PDXK: variants seen among roughly 807,000 people sequenced by gnomAD.
PDXK encodes the protein epididymis secretory sperm binding protein Li 1a.
Under a neutral mutation model 43.2 loss-of-function variants are expected in PDXK, and 15 were observed. That is an observed-to-expected ratio of 0.35 (90% CI 0.23 to 0.53). The LOEUF (loss-of-function observed/expected upper bound fraction) is 0.53. Among genes scored for constraint, PDXK ranks in the 20% least tolerant of loss-of-function variants. PDXK has a pLI of 0.92. For synonymous variants in PDXK, 172 were observed against 165.4 expected (o/e 1.04, Z -0.31); for missense variants, 343 against 417.0 (o/e 0.82, Z 1.54).
Position 43,723,320 on chromosome 21 carries a change from A to G in PDXK, c.87+3939A>G, listed in dbSNP as rs1238931553. ...CAAGTATGCACCACCACACCTGACT[A>G]ATTTTTCTGTATTTCTGTTTAGTAG... is the stretch of plus-strand genomic sequence containing the variant. On this transcript the variant is annotated intron_variant, in intron 1 of 10. Transcript: ENST00000291565. This position sits in a 1 kb window ranked among gnomAD's most constrained non-coding sequence, Gnocchi z 4.1. Among the ~76,000 whole-genome samples the G allele has an allele frequency of 1.3e-5, 2 of 151,320 alleles. No homozygotes were observed. Among genetic ancestry groups the G allele is most frequent in the Non-Finnish European group, 2.9e-5 (2 of 67,922 alleles).
chr21:43,726,270 CTTTTTTT>C (rs1182376121), intron 1 of PDXK, among the ~76,000 whole-genome samples: 26 of 116,826 alleles, frequency 2.2e-4, no homozygotes, highest in Non-Finnish European at 3.1e-4. Context: ...TTTTCTTTTT[CTTTTTTT>C]TTTTTTTTTT....
At chr21:43,747,400 C>G (rs1056254042) in intron 5 of PDXK, among the ~76,000 whole-genome samples, 1 of 152,272 alleles carries the variant, frequency 6.6e-6, no homozygotes, top group African/African-American at 2.4e-5. Flanking sequence ...GCTGTATATT[C>G]ACTGAGCACA....
chr21:43,739,513 C>G (rs2083458245), intron 2 of PDXK, among the ~76,000 whole-genome samples: 1 of 151,912 alleles, frequency 6.6e-6, no homozygotes, highest in Admixed American at 6.6e-5. Context: ...AGGAAACTTA[C>G]AGTTATGGCA....
At position 43,737,230 on chromosome 21, in the gene PDXK, TG is replaced by T; in HGVS notation, c.142+3113del. 2.1e-6 allele frequency: 3 copies of T among 1,429,276 alleles called. No individual in the cohort carries two copies. Among genetic ancestry groups the T allele is most frequent in the Non-Finnish European group, 2.7e-6 (3 of 1,095,018 alleles). 88.5% of individuals were successfully genotyped at this position (1,429,276 alleles called of 1,614,324 possible). A position where few individuals can be genotyped will look rare whatever the true frequency, so the allele number is the denominator to read the frequency against. ...GTTGGTTCCCTGACGCCCTTCAGGC[TG>T]GGGGGTGGGAAAGCCGATCCCCCAA... On this transcript the variant is annotated intron_variant, in intron 2 of 10. Coordinates refer to ENST00000291565, the MANE Select transcript of PDXK (RefSeq NM_003681.5). The surrounding 1 kb of genome is among the most constrained non-coding windows in gnomAD (Gnocchi z 4.8).
chr21:43,731,975 G>T (rs2083324335), intron 1 of PDXK, among the ~76,000 whole-genome samples: 1 of 152,234 alleles, frequency 6.6e-6, no homozygotes, highest in African/African-American at 2.4e-5. Flanking sequence ...CGGGTGCTGG[G>T]AGTCTGTGGG....
intron 3 of PDXK, among the ~76,000 whole-genome samples, chr21:43,742,079 G>C (rs965606408): frequency 1.3e-5 from 2 of 152,178 alleles, no homozygotes; most frequent in Non-Finnish European, 2.9e-5. Context: ...GGGCAGGACA[G>C]GTGGGTGGGA....
In PDXK at chr21:43,719,137, G is replaced by C; in HGVS notation, c.-158G>C. The C allele has an allele frequency of 3.2e-6, 1 of 311,380 alleles. No homozygotes were observed. The highest frequency in any genetic ancestry group is 5.8e-6 in the Non-Finnish European group (1 of 173,600). The allele number at this position is 311,380 out of a possible 1,614,324, so 19.3% of individuals were successfully genotyped here. A position where few individuals can be genotyped will look rare whatever the true frequency, so the allele number is the denominator to read the frequency against. ...CGGAGCCGCCCGCTGAGGTCAGAAGGAGGCGTCTGCGCTGATCGGGTCCGC... is the reference window on the plus strand; with the variant it reads ...CGGAGCCGCCCGCTGAGGTCAGAAGCAGGCGTCTGCGCTGATCGGGTCCGC... On this transcript the variant is annotated 5_prime_UTR_variant, in exon 1 of 11. Transcript: ENST00000291565.
chr21:43,746,080 G>A lies in PDXK; in HGVS notation c.333G>A (p.Val111=). ...LKQQNPRLVY[V]CDPVLGDKWD... ...TAAGATGCCCTTGTGTCTCTGCAGTGTGTGATCCAGTCTTGGGTGACAAGT... is the reference window on the plus strand; with the variant it reads ...TAAGATGCCCTTGTGTCTCTGCAGTATGTGATCCAGTCTTGGGTGACAAGT... Residue 111 remains valine, a splice_region_variant and synonymous_variant, in exon 5 of 11, where the codon GTG becomes GTA. Transcript: ENST00000291565. 6.2e-7 allele frequency: 1 copy of A among 1,612,932 alleles called. No homozygotes were observed. The highest frequency in any genetic ancestry group is 1.1e-5 in the South Asian group (1 of 91,076).
At chr21:43,739,024 C>G (rs962135314) in intron 2 of PDXK, among the ~76,000 whole-genome samples, 4 of 152,018 alleles carry the variant, frequency 2.6e-5, no homozygotes, top group Admixed American at 6.5e-5. Flanking sequence ...AGCTCCACCC[C>G]CTGGGTTCAT....
At chr21:43,724,193 C>A (rs570638601) in intron 1 of PDXK, among the ~76,000 whole-genome samples, 1 of 152,280 alleles carries the variant, frequency 6.6e-6, no homozygotes, top group South Asian at 2.1e-4. Flanking sequence ...GGTTGTATTT[C>A]TCTGTCTAGG....
intron 9 of PDXK, 77 bp downstream of exon 9, chr21:43,753,796 G>C (rs544355189): frequency 5.4e-6 from 8 of 1,471,708 alleles, no homozygotes; most frequent in Non-Finnish European, 7.3e-6. Context: ...GAGTCCTGGT[G>C]GGGGGTCCCT....
chr21:43,740,573 C>T (rs2083480900), intron 2 of PDXK, among the ~76,000 whole-genome samples: 1 of 151,962 alleles, frequency 6.6e-6, no homozygotes, highest in Admixed American at 6.6e-5. Flanking sequence ...GCCCCCTGAG[C>T]AGTGCTTTGA....
chr21:43,760,843 G>A lies in PDXK; in HGVS notation c.*4780G>A, dbSNP rs1280373462. 1 of 152,190 alleles carries A rather than the reference G, an allele frequency of 6.6e-6. No individual in the cohort carries two copies. Among genetic ancestry groups the A allele is most frequent in the African/African-American group, 2.4e-5 (1 of 41,412 alleles). 9.4% of individuals were successfully genotyped at this position (152,190 alleles called of 1,614,324 possible). A position where few individuals can be genotyped will look rare whatever the true frequency, so the allele number is the denominator to read the frequency against. On this transcript the variant is annotated 3_prime_UTR_variant, in exon 11 of 11. Transcript: ENST00000291565. ...AGGGTGCACGGTCTCTCCTGCTGGG[G>A]GCTTTCTGTCGCATGTGTGTCTCCT...
chr21:43,755,436 C>T (rs1265372560), intron 9 of PDXK: 3 of 526,120 alleles, frequency 5.7e-6, no homozygotes, highest in Non-Finnish European at 6.9e-6. Flanking sequence ...ATGCAGGTCA[C>T]GAGGCTGTCC....
At chr21:43,741,886 A>G in intron 3 of PDXK, 115 bp downstream of exon 3, 1 of 716,340 alleles carries the variant, frequency 1.4e-6, no homozygotes, top group South Asian at 1.5e-5. Context: ...CTGCCCCTTC[A>G]AGGAGGGCCT....
chr21:43,750,350 GC>G, intron 6 of PDXK, 149 bp from the exon 7 acceptor site: 1 of 648,408 alleles, frequency 1.5e-6, no homozygotes. Context: ...TGTTGCAGGG[GC>G]CCCGGCCCAG....
chr21:43,732,261 T>C lies in PDXK; in HGVS notation c.88-1808T>C, dbSNP rs1250440918. ...CGCTGGCTTCCAGCTGAAGGACATG[T>C]GTAACAGCAGGAGATACCTTTCTCT... is the stretch of plus-strand genomic sequence containing the variant. On this transcript the variant is annotated intron_variant, in intron 1 of 10. Coordinates refer to ENST00000291565, the MANE Select transcript of PDXK (RefSeq NM_003681.5). This position sits in a 1 kb window ranked among gnomAD's most constrained non-coding sequence, Gnocchi z 4.1. The C allele has an allele frequency of 1.3e-6, 2 of 1,503,184 alleles. No homozygotes were observed. The highest frequency in any genetic ancestry group is 1.8e-6 in the Non-Finnish European group (2 of 1,130,164). 93.1% of individuals were successfully genotyped at this position (1,503,184 alleles called of 1,614,324 possible).
chr21:43,728,567 G>C (rs1427365104), intron 1 of PDXK, among the ~76,000 whole-genome samples: 1 of 152,224 alleles, frequency 6.6e-6, no homozygotes, highest in African/African-American at 2.4e-5. Flanking sequence ...AGGAGGATCA[G>C]CTGAGCCGCC....
intron 5 of PDXK, among the ~76,000 whole-genome samples, chr21:43,748,200 A>T (rs1217459034): frequency 1.3e-5 from 2 of 152,206 alleles, no homozygotes; most frequent in African/African-American, 4.8e-5. Flanking sequence ...CGCTAAAGAA[A>T]ACCATGTGTT....
Sources: allele counts gnomAD v4.1 joint callset (sites outside exome capture counted in the v4.1 genomes callset), GRCh38; gene constraint gnomAD v4.1.1; non-coding constraint Gnocchi (gnomAD v3.1); transcripts MANE v1.5; gene names NCBI Gene and HGNC (gene_info 2026-07-23, HGNC 2026-07-21).